The following CYTH3 variants were observed in gnomAD, a reference collection of about 807,000 sequenced individuals.
CYTH3 encodes cytohesin-3.
CYTH3 carries 23 observed loss-of-function variants against 55.1 expected under a neutral mutation model. The observed-to-expected ratio is 0.42, with a 90% CI of 0.30 to 0.59. The LOEUF (loss-of-function observed/expected upper bound fraction) is 0.59. CYTH3 is among the 20% of genes least tolerant of loss of function. The pLI is 0.20. For synonymous variants in CYTH3, 249 were observed against 194.9 expected (o/e 1.28, Z -2.31); for missense variants, 413 against 524.8 (o/e 0.79, Z 2.08).
At chr7:6,187,412 T>G (rs1004898531) in intron 3 of CYTH3, among the ~76,000 whole-genome samples, 1 of 152,238 alleles carries the variant, frequency 6.6e-6, no homozygotes, top group Non-Finnish European at 1.5e-5. Context: ...AACCCTGAAG[T>G]GCCTGTGCTT....
intron 1 of CYTH3, among the ~76,000 whole-genome samples, chr7:6,216,476 T>C (rs1369936625): frequency 6.6e-6 from 1 of 152,042 alleles, no homozygotes; most frequent in Non-Finnish European, 1.5e-5. Flanking sequence ...CAGTGGCTCA[T>C]ACCTGTAATG....
chr7:6,258,495 A>C (rs1780191796), intron 1 of CYTH3, among the ~76,000 whole-genome samples: 2 of 152,276 alleles, frequency 1.3e-5, no homozygotes, highest in African/African-American at 2.4e-5. Flanking sequence ...AAGACTATTT[A>C]AGATATAGCC....
In CYTH3 at chr7:6,164,924, G is replaced by A. The variant is rs1290165822; in HGVS notation, c.*20C>T. 6.2e-7 allele frequency: 1 copy of A among 1,614,060 alleles called. No homozygotes were observed. The highest frequency in any genetic ancestry group is 1.3e-5 in the African/African-American group (1 of 74,944). ...TCTGCTGGGGTTGGGTCTTTTACCTGGGTCTTTTAGCCAGGAAAGCTATTT... is the reference window on the plus strand; with the variant it reads ...TCTGCTGGGGTTGGGTCTTTTACCTAGGTCTTTTAGCCAGGAAAGCTATTT... On this transcript the variant is annotated 3_prime_UTR_variant, in exon 13 of 13. Coordinates refer to ENST00000350796, the MANE Select transcript of CYTH3 (RefSeq NM_004227.4).
At chr7:6,251,826 G>A (rs1779979689) in intron 1 of CYTH3, among the ~76,000 whole-genome samples, 1 of 152,124 alleles carries the variant, frequency 6.6e-6, no homozygotes, top group South Asian at 2.1e-4. Flanking sequence ...AATCGCATGA[G>A]TTCTTCACAG....
At chr7:6,260,651 T>G (rs1376315605) in intron 1 of CYTH3, among the ~76,000 whole-genome samples, 1 of 152,194 alleles carries the variant, frequency 6.6e-6, no homozygotes, top group South Asian at 2.1e-4. Context: ...CGTCTCTAAG[T>G]GCATTCAACA....
At chr7:6,247,757 C>T (rs1378843828) in intron 1 of CYTH3, among the ~76,000 whole-genome samples, 1 of 152,262 alleles carries the variant, frequency 6.6e-6, no homozygotes, top group Non-Finnish European at 1.5e-5. Flanking sequence ...GCGATCCTCC[C>T]ACCTTAGCCT....
chr7:6,241,182 A>C (rs1779663840), intron 1 of CYTH3, among the ~76,000 whole-genome samples: 1 of 152,196 alleles, frequency 6.6e-6, no homozygotes, highest in African/African-American at 2.4e-5. Context: ...GCACGACAAA[A>C]ACAAAACCAA....
intron 9 of CYTH3, among the ~76,000 whole-genome samples, chr7:6,166,087 T>C (rs903626742): frequency 2.0e-5 from 3 of 152,136 alleles, no homozygotes; most frequent in African/African-American, 7.2e-5. Flanking sequence ...ATGGCGTCAT[T>C]TTCCCACATG....
chr7:6,186,168 C>T (rs1197056203), intron 4 of CYTH3, among the ~76,000 whole-genome samples: 4 of 149,768 alleles, frequency 2.7e-5, no homozygotes, highest in East Asian at 2.0e-4. Flanking sequence ...GGCGTGAACC[C>T]GGGAGGCGGA....
In CYTH3 at chr7:6,180,830, G is replaced by A. The variant is rs1783487558; in HGVS notation, c.250-2889C>T. Reference sequence around the variant, plus strand: ...CTTTTTCTGTTTCTCTTCTAGGTGTGGGTCTCAATCCAAAGCTGGATTTTA... The same window carrying A: ...CTTTTTCTGTTTCTCTTCTAGGTGTAGGTCTCAATCCAAAGCTGGATTTTA... On this transcript the variant is annotated intron_variant, in intron 4 of 12. Transcript: ENST00000350796. Among the ~76,000 whole-genome samples, 4 of 152,212 alleles carry A rather than the reference G, an allele frequency of 2.6e-5. No homozygotes were observed. The South Asian group carries it at 6.2e-4, about 24-fold the overall frequency.
At chr7:6,272,420 C>G in intron 1 of CYTH3, 54 bp downstream of exon 1, 1 of 765,786 alleles carries the variant, frequency 1.3e-6, no homozygotes, top group Admixed American at 3.2e-5. Flanking sequence ...GACCCCCAGC[C>G]CCCGGCCCCC....
intron 4 of CYTH3, among the ~76,000 whole-genome samples, chr7:6,186,641 A>G (rs913987274): frequency 5.3e-5 from 8 of 152,070 alleles, no homozygotes; most frequent in African/African-American, 1.9e-4. Flanking sequence ...AAAGTCCGTA[A>G]CCTCTGGACA....
intron 6 of CYTH3, among the ~76,000 whole-genome samples, chr7:6,173,368 C>A (rs1228035634): frequency 6.6e-6 from 1 of 152,148 alleles, no homozygotes; most frequent in Non-Finnish European, 1.5e-5. Context: ...ACAAGGCACT[C>A]GACTACTGCC....
At chr7:6,238,447 G>A (rs879916786) in intron 1 of CYTH3, among the ~76,000 whole-genome samples, 2 of 152,140 alleles carry the variant, frequency 1.3e-5, no homozygotes, top group Non-Finnish European at 1.5e-5. Flanking sequence ...AAAGACTAAT[G>A]AAAGTACTAT....
intron 1 of CYTH3, among the ~76,000 whole-genome samples, chr7:6,264,688 A>G (rs529359515): frequency 2.0e-5 from 3 of 152,204 alleles, no homozygotes; most frequent in Non-Finnish European, 2.9e-5. Flanking sequence ...AAACATTGAA[A>G]GCAAAGAGCA....
At chr7:6,229,792 G>A (rs971222246) in intron 1 of CYTH3, among the ~76,000 whole-genome samples, 3 of 151,426 alleles carry the variant, frequency 2.0e-5, no homozygotes, top group African/African-American at 7.3e-5. Flanking sequence ...ACTCCAGCCT[G>A]GGCAACAGAA....
chr7:6,259,757 T>TTATATATATATATAATATATATATA (rs1780242845), intron 1 of CYTH3, among the ~76,000 whole-genome samples: 1 of 37,466 alleles, frequency 2.7e-5, no homozygotes, highest in African/African-American at 2.4e-4. Context: ...TATATATATA[T>TTATATATATATATAATATATATATA]TATATATATA....
At chr7:6,186,853 G>A (rs1204058535) in intron 4 of CYTH3, among the ~76,000 whole-genome samples, 197 bp downstream of exon 4, 2 of 152,208 alleles carry the variant, frequency 1.3e-5, no homozygotes, top group Non-Finnish European at 2.9e-5. Flanking sequence ...TTTCTGCCCA[G>A]GGCACCAGCC....
intron 1 of CYTH3, among the ~76,000 whole-genome samples, chr7:6,249,115 T>C (rs984781736): frequency 5.9e-5 from 9 of 152,242 alleles, no homozygotes; most frequent in Non-Finnish European, 1.0e-4. Flanking sequence ...AAGCTAGCTA[T>C]GTCTTCCTTT....
Sources: gnomAD v4.1 joint callset for allele counts (sites outside exome capture counted in the v4.1 genomes callset) on GRCh38, gnomAD v4.1.1 for gene constraint, MANE v1.5 for transcripts, NCBI Gene and HGNC (gene_info 2026-07-23, HGNC 2026-07-21) for gene names.